The following KIAA1217 variants were observed in gnomAD, a reference collection of about 807,000 sequenced individuals.
The protein encoded by KIAA1217 is KIAA1217, also known as sickle tail protein homolog.
A neutral mutation model predicts 163.9 loss-of-function variants in KIAA1217; 88 were observed. The observed-to-expected ratio is 0.54, with a 90% CI of 0.45 to 0.64. The LOEUF (loss-of-function observed/expected upper bound fraction) is 0.64. KIAA1217 is among the 30% of genes least tolerant of loss of function. KIAA1217 has a pLI of 0.00. For missense variants in KIAA1217, 2,372 were observed against 2,475.0 expected, an observed-to-expected ratio of 0.96 and a Z score of 0.88; for synonymous variants, 903 against 923.1, an observed-to-expected ratio of 0.98 and a Z score of 0.39.
chr10:23,985,328 C>T (rs1447391358), intron 1 of KIAA1217, among the ~76,000 whole-genome samples: 3 of 152,184 alleles, frequency 2.0e-5, no homozygotes, highest in African/African-American at 7.2e-5. Flanking sequence ...GGACTCTCTT[C>T]TATTTGCACA....
chr10:24,026,927 A>C (rs549820594), intron 2 of KIAA1217, among the ~76,000 whole-genome samples: 2 of 152,054 alleles, frequency 1.3e-5, no homozygotes, highest in East Asian at 3.9e-4. Flanking sequence ...AGCATGCTTT[A>C]GTAACATCAC....
chr10:24,159,544 C>G (rs1236938729), intron 2 of KIAA1217, among the ~76,000 whole-genome samples: 1 of 151,950 alleles, frequency 6.6e-6, no homozygotes, highest in African/African-American at 2.4e-5. Flanking sequence ...CTTTGGGAGG[C>G]CGAGGCGGGC....
intron 3 of KIAA1217, among the ~76,000 whole-genome samples, chr10:24,404,679 T>G (rs1591656395): frequency 6.6e-6 from 1 of 151,948 alleles, no homozygotes; most frequent in East Asian, 1.9e-4. Flanking sequence ...ACCCAGAAAC[T>G]TGTACATGAA....
intron 1 of KIAA1217, among the ~76,000 whole-genome samples, chr10:23,948,040 A>ACACACTTCTTC (rs1844139745): frequency 6.6e-6 from 1 of 152,124 alleles, no homozygotes; most frequent in Admixed American, 6.6e-5. Flanking sequence ...CACACTTCTT[A>ACACACTTCTTC]CACACAAAAT....
rs1310433156 is a variant in KIAA1217, at chr10:24,389,197, T to C, written c.553+8130T>C. On this transcript the variant is annotated intron_variant, in intron 3 of 20. Coordinates refer to ENST00000376454, the MANE Select transcript of KIAA1217 (RefSeq NM_019590.5). ...CTGGATTAAGAAAATGTGGCACATATACACCATGTAATACTATGTAGCCAT... is the reference window on the plus strand; with the variant it reads ...CTGGATTAAGAAAATGTGGCACATACACACCATGTAATACTATGTAGCCAT... Among the ~76,000 whole-genome samples the C allele has an allele frequency of 2.6e-5, 4 of 152,282 alleles. No homozygotes were observed. The East Asian group carries it at 7.7e-4, about 29-fold the overall frequency.
intron 1 of KIAA1217, among the ~76,000 whole-genome samples, chr10:23,846,711 T>A: frequency 6.6e-6 from 1 of 152,172 alleles, no homozygotes; most frequent in East Asian, 1.9e-4. Context: ...CTCTTCCTAT[T>A]TGAATACGCT....
chr10:24,048,659 G>A (rs530955846), intron 2 of KIAA1217, among the ~76,000 whole-genome samples: 2 of 151,926 alleles, frequency 1.3e-5, no homozygotes, highest in South Asian at 2.1e-4. Context: ...GAATCTGGGA[G>A]GCAGAGGTTG....
At chr10:23,888,152 G>A (rs922553103) in intron 1 of KIAA1217, among the ~76,000 whole-genome samples, 1 of 151,816 alleles carries the variant, frequency 6.6e-6, no homozygotes, top group African/African-American at 2.4e-5. Context: ...AACATAGGAC[G>A]TCCAGGCCAT....
rs774281664 is a variant in KIAA1217, at chr10:23,799,524, G to A, written c.-321+104290G>A. Among the ~76,000 whole-genome samples, 10 of 152,080 alleles carry A rather than the reference G, an allele frequency of 6.6e-5. 1 individual carries two copies. The highest frequency in any genetic ancestry group is 3.9e-4 in the Admixed American group (6 of 15,276). On this transcript the variant is annotated intron_variant, in intron 1 of 18. Coordinates refer to the KIAA1217 transcript ENST00000376462. ...TGGACTTTGCAGAGCAGACTGTCAC[G>A]CTGCAGAAAGTGTGAAAATGGCAAA...
At chr10:23,864,685 A>G (rs902802029) in intron 1 of KIAA1217, among the ~76,000 whole-genome samples, 2 of 152,128 alleles carry the variant, frequency 1.3e-5, no homozygotes, top group East Asian at 1.9e-4. Context: ...TATTATATGC[A>G]TGTATTAGTC....
chr10:23,918,458 T>C (rs1221321712), intron 1 of KIAA1217, among the ~76,000 whole-genome samples: 1 of 152,160 alleles, frequency 6.6e-6, no homozygotes, highest in Non-Finnish European at 1.5e-5. Context: ...TTCGGGAAGC[T>C]GTGTTTAGCC....
intron 1 of KIAA1217, among the ~76,000 whole-genome samples, chr10:23,974,892 C>CA (rs397776647): frequency 3.3e-5 from 5 of 151,408 alleles, no homozygotes; most frequent in East Asian, 2.0e-4. Context: ...TTCCCCCCCC[C>CA]ATAGATAGGC....
chr10:23,846,091 A>T (rs757656559), intron 1 of KIAA1217, among the ~76,000 whole-genome samples: 24 of 152,114 alleles, frequency 1.6e-4, no homozygotes, highest in Non-Finnish European at 3.5e-4. Context: ...ATTGGTCTAT[A>T]TAACTGTTTT....
At chr10:24,161,968 A>G (rs1156807376) in intron 2 of KIAA1217, among the ~76,000 whole-genome samples, 2 of 152,230 alleles carry the variant, frequency 1.3e-5, no homozygotes, top group African/African-American at 4.8e-5. Flanking sequence ...AAACTTAACA[A>G]TGAAGAAGGA....
chr10:24,118,334 T>C (rs908793637), intron 2 of KIAA1217, among the ~76,000 whole-genome samples: 2 of 152,248 alleles, frequency 1.3e-5, no homozygotes, highest in Admixed American at 1.3e-4. Flanking sequence ...TATTGCAGGA[T>C]GACAGAGTTC....
chr10:24,496,362 G>C (rs1366768485), intron 8 of KIAA1217, among the ~76,000 whole-genome samples: 1 of 152,244 alleles, frequency 6.6e-6, no homozygotes, highest in Admixed American at 6.5e-5. Context: ...GCAATTGCCA[G>C]TTTGTTTCGG....
At chr10:24,434,440 T>C (rs961376447) in intron 4 of KIAA1217, among the ~76,000 whole-genome samples, 23 of 152,158 alleles carry the variant, frequency 1.5e-4, no homozygotes, top group African/African-American at 5.5e-4. Flanking sequence ...TGGGCTCAAA[T>C]GATCCTCCCA....
intron 1 of KIAA1217, among the ~76,000 whole-genome samples, chr10:23,973,064 TA>T (rs1365478220): frequency 3.9e-5 from 6 of 152,090 alleles, no homozygotes; most frequent in East Asian, 3.8e-4. Context: ...AAGTAAAATT[TA>T]AAAAAAATTT....
intron 1 of KIAA1217, among the ~76,000 whole-genome samples, chr10:23,852,847 A>G (rs1333525389): frequency 6.6e-6 from 1 of 152,090 alleles, no homozygotes; most frequent in African/African-American, 2.4e-5. Flanking sequence ...AATGCTTGTG[A>G]TTTTTGTACA....
Sources: gnomAD v4.1 joint callset for allele counts (sites outside exome capture counted in the v4.1 genomes callset) on GRCh38, gnomAD v4.1.1 for gene constraint, MANE v1.5 for transcripts, NCBI Gene and HGNC (gene_info 2026-07-23, HGNC 2026-07-21) for gene names.